Variants in BASP1 observed in about 807,000 individuals in gnomAD.
BASP1 encodes the protein brain acid soluble protein 1.
BASP1 carries 1 observed loss-of-function variant against 2.2 expected under a neutral mutation model. The ratio of observed to expected loss-of-function variants is 0.46; its 90% CI spans 0.16 to 2.17. BASP1 has a LOEUF of 2.17. Among genes scored for constraint, BASP1 ranks in the 30% most tolerant of loss-of-function variants. The pLI is 0.27. For synonymous variants in BASP1, 187 were observed against 154.2 expected (o/e 1.21, Z -1.58); for missense variants, 352 against 327.2 (o/e 1.08, Z -0.58).
In BASP1 at chr5:17,253,685, TTG is replaced by T. The variant is rs561207610; in HGVS notation, c.-9-21521_-9-21520del. On this transcript the variant is annotated intron_variant, in intron 1 of 1. Coordinates refer to ENST00000322611, the MANE Select transcript of BASP1 (RefSeq NM_006317.5). ...GAATGACCCATATCTTTCAGAACTA[TTG>T]TCTTAATCATGAAGACCCTCAATTA... is the stretch of plus-strand genomic sequence containing the variant. 7.3e-3 allele frequency among the ~76,000 whole-genome samples: 1,117 copies of T among 152,352 alleles called. 9 individuals are homozygous for T. The highest frequency in any genetic ancestry group is 0.012 in the Non-Finnish European group (799 of 68,034).
chr5:17,254,892 G>A lies in BASP1; in HGVS notation c.-9-20316G>A, dbSNP rs139670566. On this transcript the variant is annotated intron_variant, in intron 1 of 1. Transcript: ENST00000322611. Reference sequence around the variant, plus strand: ...GCAAGAGATCCCACATTGGACAGACGATTTCAGTTGACACCAAAGGAAGTA... The same window carrying A: ...GCAAGAGATCCCACATTGGACAGACAATTTCAGTTGACACCAAAGGAAGTA... Among the ~76,000 whole-genome samples the A allele has an allele frequency of 7.1e-3, 1,088 of 152,270 alleles. 20 individuals carry two copies. Among genetic ancestry groups the A allele is most frequent in the African/African-American group, 0.025 (1,050 of 41,540 alleles).
intron 1 of BASP1, among the ~76,000 whole-genome samples, chr5:17,224,883 A>G (rs1237031861): frequency 1.3e-5 from 2 of 152,274 alleles, no homozygotes; most frequent in Non-Finnish European, 2.9e-5. Context: ...CTGATTAGAA[A>G]TAAACCAAGT....
At chr5:17,254,016 G>A (rs1231139519) in intron 1 of BASP1, among the ~76,000 whole-genome samples, 1 of 152,010 alleles carries the variant, frequency 6.6e-6, no homozygotes, top group East Asian at 1.9e-4. Context: ...TTTAGGATGT[G>A]TTCAGATTAC....
intron 1 of BASP1, among the ~76,000 whole-genome samples, chr5:17,250,879 C>T (rs1163539110): frequency 1.3e-5 from 2 of 152,146 alleles, no homozygotes; most frequent in Non-Finnish European, 2.9e-5. Context: ...GCTGGGATTA[C>T]AGGCGTGAGC....
chr5:17,235,621 G>A (rs764731196), intron 1 of BASP1, among the ~76,000 whole-genome samples: 5 of 152,088 alleles, frequency 3.3e-5, no homozygotes, highest in African/African-American at 9.7e-5. Flanking sequence ...AGATGTCGAC[G>A]TTACTTTTGC....
In BASP1 at chr5:17,275,802, A is replaced by C. The variant is rs752443305; in HGVS notation, c.586A>C (p.Thr196Pro). Residue 196 changes from threonine (T) to proline (P), a missense_variant, in exon 2 of 2, where the codon ACA (threonine) becomes CCA (proline). Transcript: ENST00000322611. The surrounding 1 kb of genome is among the most constrained non-coding windows in gnomAD (Gnocchi z 5.3). ...TPAATEAPSS[T>P]PKAQGPAASA... The stretch of plus-strand genomic sequence containing the variant: ...CGCAGCCACGGAAGCGCCTAGTTCC[A>C]CACCCAAGGCCCAGGGCCCCGCAGC... The C allele has an allele frequency of 6.2e-7, 1 of 1,612,622 alleles. No homozygotes were observed. Among genetic ancestry groups the C allele is most frequent in the African/African-American group, 1.3e-5 (1 of 74,830 alleles).
chr5:17,275,667 A>G lies in BASP1; in HGVS notation c.451A>G (p.Thr151Ala). 6.4e-7 allele frequency: 1 copy of G among 1,555,248 alleles called. No homozygotes were observed. Among genetic ancestry groups the G allele is most frequent in the Non-Finnish European group, 8.7e-7 (1 of 1,151,254 alleles). Reference protein sequence around the residue: ...PSKEEGEPKKTEAPAAPAAQE... With the variant: ...PSKEEGEPKKAEAPAAPAAQE... ...CAAGGAGGAAGGGGAACCCAAAAAG[A>G]CTGAGGCGCCCGCAGCTCCTGCCGC... The change falls in exon 2 of 2, where the codon ACT becomes GCT. Residue 151 changes from threonine to alanine, a missense_variant. Thr to Ala is a moderately conservative substitution (Grantham distance 58). Transcript: ENST00000322611. This position sits in a 1 kb window ranked among gnomAD's most constrained non-coding sequence, Gnocchi z 5.3.
Position 17,233,854 on chromosome 5 carries a change from C to T in BASP1, c.-10+16044C>T, listed in dbSNP as rs1290273839. On this transcript the variant is annotated intron_variant, in intron 1 of 1. Transcript: ENST00000322611. The stretch of plus-strand genomic sequence containing the variant: ...TCAAAACTGGAAAATACAGGCCGGG[C>T]GCAGTGGCTCACGCCTGTAATGCCA... 6.6e-5 allele frequency among the ~76,000 whole-genome samples: 10 copies of T among 151,466 alleles called. No individual in the cohort carries two copies. In the East Asian group the frequency reaches 1.2e-3, roughly 18 times the overall value.
chr5:17,250,265 A>G (rs1740075129), intron 1 of BASP1, among the ~76,000 whole-genome samples: 2 of 152,232 alleles, frequency 1.3e-5, no homozygotes, highest in South Asian at 4.1e-4. Context: ...AATTTGGGGC[A>G]TATTCCACTT....
intron 1 of BASP1, among the ~76,000 whole-genome samples, chr5:17,257,186 A>G (rs979146401): frequency 2.8e-4 from 42 of 152,266 alleles, no homozygotes; most frequent in African/African-American, 9.6e-4. Context: ...TTCATCTTTT[A>G]CCAGTGTGAG....
chr5:17,253,410 A>G (rs1188296326), intron 1 of BASP1, among the ~76,000 whole-genome samples: 3 of 152,098 alleles, frequency 2.0e-5, no homozygotes, highest in Non-Finnish European at 4.4e-5. Flanking sequence ...TGGGGGTCTC[A>G]CTATGTTTCC....
chr5:17,227,010 C>A (rs1024094845), intron 1 of BASP1, among the ~76,000 whole-genome samples: 2 of 151,146 alleles, frequency 1.3e-5, no homozygotes, highest in Non-Finnish European at 2.9e-5. Context: ...CTCACTGCAA[C>A]CTCAGCCTCC....
intron 1 of BASP1, among the ~76,000 whole-genome samples, chr5:17,272,739 T>G (rs1740555277): frequency 6.6e-6 from 1 of 152,162 alleles, no homozygotes; most frequent in Admixed American, 6.5e-5. Flanking sequence ...TGAGACATAT[T>G]TTCTTACTTA....
chr5:17,226,997 C>T (rs1739522801), intron 1 of BASP1, among the ~76,000 whole-genome samples: 1 of 151,100 alleles, frequency 6.6e-6, no homozygotes, highest in South Asian at 2.1e-4. Context: ...GGCGCAATCT[C>T]AGCTCACTGC....
intron 1 of BASP1, among the ~76,000 whole-genome samples, chr5:17,220,841 C>G (rs1283833830): frequency 6.6e-6 from 1 of 152,100 alleles, no homozygotes; most frequent in African/African-American, 2.4e-5. Context: ...CAATTAAGAA[C>G]AGTTTGAAGC....
chr5:17,253,522 C>T (rs1432806605), intron 1 of BASP1, among the ~76,000 whole-genome samples: 2 of 152,156 alleles, frequency 1.3e-5, no homozygotes, highest in Admixed American at 1.3e-4. Context: ...TTATAATGAT[C>T]TTTTACAAGT....
intron 1 of BASP1, among the ~76,000 whole-genome samples, chr5:17,272,317 C>G (rs193144697): frequency 1.2e-4 from 19 of 152,100 alleles, no homozygotes; most frequent in Non-Finnish European, 2.5e-4. Flanking sequence ...GCCCCATTGC[C>G]GGCTTCTCAG....
intron 1 of BASP1, among the ~76,000 whole-genome samples, chr5:17,267,730 G>A (rs113728804): frequency 8.0e-4 from 115 of 143,224 alleles, no homozygotes; most frequent in Middle Eastern, 4.3e-3. Context: ...TGTTGGCCAC[G>A]CTTGTCTTGA....
chr5:17,267,665 C>T (rs1176929154), intron 1 of BASP1, among the ~76,000 whole-genome samples: 1 of 151,706 alleles, frequency 6.6e-6, no homozygotes, highest in African/African-American at 2.4e-5. Context: ...ACTATAGACG[C>T]ACGCCACTGC....
Sources: allele counts gnomAD v4.1 joint callset (sites outside exome capture counted in the v4.1 genomes callset), GRCh38; gene constraint gnomAD v4.1.1; non-coding constraint Gnocchi (gnomAD v3.1); transcripts MANE v1.5; gene names NCBI Gene and HGNC (gene_info 2026-07-23, HGNC 2026-07-21).